PCNX1: variants seen among roughly 807,000 people sequenced by gnomAD.
The protein encoded by PCNX1 is pecanex-like protein 1.
A neutral mutation model predicts 242.2 loss-of-function variants in PCNX1; 78 were observed. The observed-to-expected ratio is 0.32, with a 90% CI of 0.27 to 0.39. The LOEUF (loss-of-function observed/expected upper bound fraction) is 0.39. PCNX1 is among the 10% of genes least tolerant of loss of function. The probability of loss-of-function intolerance (pLI) is 1.00; values close to 1 mark genes in which losing one functional copy is unlikely to be tolerated. For synonymous variants in PCNX1, 1,024 were observed against 1,032.9 expected (o/e 0.99, Z 0.17); for missense variants, 2,581 against 2,856.5 (o/e 0.90, Z 2.20).
chr14:71,021,434 C>A (rs1360877236), intron 12 of PCNX1, among the ~76,000 whole-genome samples: 1 of 152,098 alleles, frequency 6.6e-6, no homozygotes, highest in East Asian at 1.9e-4. Flanking sequence ...CTCTTATTTC[C>A]TTAGCAGTGG....
Position 71,045,234 on chromosome 14 carries a change from C to G in PCNX1, c.3969C>G (p.Phe1323Leu), listed in dbSNP as rs1205418260. 2 of 1,613,054 alleles carry G rather than the reference C, an allele frequency of 1.2e-6. No homozygotes were observed. The highest frequency in any genetic ancestry group is 4.5e-5 in the East Asian group (2 of 44,830). ...QVRKQLPWHC[F>L]SHPLLKTLEY... is the part of the protein sequence containing the mutation. ...GAAAACAGCTACCATGGCACTGTTT[C>G]TCTCATCCTCTGCTAAAGACACTAG... Residue 1323 changes from phenylalanine to leucine, a missense_variant, in exon 20 of 36, where the codon TTC (phenylalanine) becomes TTG (leucine). Around this residue, in one of 9 missense-constraint regions of PCNX1, gnomAD observed 432 missense variants for 443.1 expected, o/e 0.97. Coordinates refer to ENST00000304743, the MANE Select transcript of PCNX1 (RefSeq NM_014982.3).
At chr14:71,103,052 C>T (rs1045363731) in intron 31 of PCNX1, among the ~76,000 whole-genome samples, 3 of 152,118 alleles carry the variant, frequency 2.0e-5, no homozygotes, top group African/African-American at 7.2e-5. Context: ...CATAAACATT[C>T]TTTCAACCGT....
At chr14:70,999,931 C>T (rs2140385333) in intron 8 of PCNX1, among the ~76,000 whole-genome samples, 1 of 152,200 alleles carries the variant, frequency 6.6e-6, no homozygotes, top group South Asian at 2.1e-4. Flanking sequence ...AACACAGAGT[C>T]AGAGGACTGT....
Position 71,047,018 on chromosome 14 carries a change from A to G in PCNX1, c.4073A>G (p.Glu1358Gly). 2.5e-6 allele frequency: 4 copies of G among 1,610,784 alleles called. No homozygotes were observed. Among genetic ancestry groups the G allele is most frequent in the Non-Finnish European group, 3.4e-6 (4 of 1,177,852 alleles). ...CTTCATGTGTGGCTTCTTTTTGTGGAGAAGAATATAATCTATCCATTGATT... is the reference window on the plus strand; with the variant it reads ...CTTCATGTGTGGCTTCTTTTTGTGGGGAAGAATATAATCTATCCATTGATT... ...EKLHVWLLFVEKNIIYPLIVL... is the reference protein window; with the variant it reads ...EKLHVWLLFVGKNIIYPLIVL... Residue 1358 changes from glutamate to glycine, a missense_variant, in exon 21 of 36, where the codon GAG becomes GGG. Glu to Gly is a moderately conservative substitution (Grantham distance 98). Around this residue, in one of 9 missense-constraint regions of PCNX1, gnomAD observed 432 missense variants for 443.1 expected, o/e 0.97. Coordinates refer to ENST00000304743, the MANE Select transcript of PCNX1 (RefSeq NM_014982.3).
chr14:71,066,473 T>C (rs1381331765), intron 26 of PCNX1, among the ~76,000 whole-genome samples: 1 of 152,242 alleles, frequency 6.6e-6, no homozygotes, highest in Non-Finnish European at 1.5e-5. Flanking sequence ...CCTGAGACTT[T>C]GCTGAAGTTG....
intron 7 of PCNX1, 150 bp from the exon 8 acceptor site, chr14:70,995,591 C>A: frequency 1.6e-6 from 1 of 609,946 alleles, no homozygotes; most frequent in Non-Finnish European, 2.9e-6. Flanking sequence ...GCAATGTAAT[C>A]TGTATATTTT....
At position 70,971,115 on chromosome 14, in the gene PCNX1, G is replaced by GTTTTTTTTTTTTTTTTTTTT. The variant is rs1046870052; in HGVS notation, c.604+2026_604+2045dup. Among the ~76,000 whole-genome samples, 2 of 14,518 alleles carry GTTTTTTTTTTTTTTTTTTTT rather than the reference G, an allele frequency of 1.4e-4. 1 individual carries two copies. The highest frequency in any genetic ancestry group is 5.8e-4 in the African/African-American group (2 of 3,452). The allele number at this position is 14,518 out of a possible 152,430, so 9.5% of individuals were successfully genotyped here. On this transcript the variant is annotated intron_variant, in intron 5 of 35. Transcript: ENST00000304743. ...AATCTATGCTATACTACTTTATATA[G>GTTTTTTTTTTTTTTTTTTTT]TTTTTTTTTTTTTTTTTTTTTTTTT...
At chr14:70,968,998 A>G (rs2058462333) in intron 4 of PCNX1, 23 bp from the exon 5 acceptor site, 1 of 1,398,422 alleles carries the variant, frequency 7.2e-7, no homozygotes, top group East Asian at 2.3e-5. Context: ...TAAGGTCCTC[A>G]CATGTTTCTC....
intron 8 of PCNX1, among the ~76,000 whole-genome samples, chr14:71,006,066 G>A (rs2059650709): frequency 6.6e-6 from 1 of 150,666 alleles, no homozygotes; most frequent in African/African-American, 2.4e-5. Flanking sequence ...AGGCCCATGG[G>A]CACATGCCAC....
At chr14:71,066,755 T>C (rs1373147359) in intron 26 of PCNX1, among the ~76,000 whole-genome samples, 1 of 152,192 alleles carries the variant, frequency 6.6e-6, no homozygotes, top group Non-Finnish European at 1.5e-5. Context: ...TTGTCATAAA[T>C]AGCTCTTATT....
chr14:70,963,397 T>C (rs2058280981), intron 3 of PCNX1, among the ~76,000 whole-genome samples: 1 of 152,206 alleles, frequency 6.6e-6, no homozygotes, highest in Admixed American at 6.5e-5. Context: ...TGATTGCTAA[T>C]TATCCTTATG....
At chr14:71,096,650 G>A (rs967107532) in intron 30 of PCNX1, among the ~76,000 whole-genome samples, 78 of 152,124 alleles carry the variant, frequency 5.1e-4, no homozygotes, top group Admixed American at 1.6e-3. Context: ...AAATGTGAAC[G>A]CAGTATTTAA....
At chr14:71,084,860 C>G (rs1429769067) in intron 28 of PCNX1, among the ~76,000 whole-genome samples, 8 of 152,170 alleles carry the variant, frequency 5.3e-5, no homozygotes, top group Non-Finnish European at 2.9e-5. Flanking sequence ...GTGAACAGTT[C>G]TGTCTCGCTG....
intron 8 of PCNX1, among the ~76,000 whole-genome samples, chr14:71,002,172 TTTC>T (rs1172264548): frequency 1.3e-5 from 2 of 152,282 alleles, no homozygotes; most frequent in Admixed American, 6.5e-5. Flanking sequence ...AGTAATGAAC[TTTC>T]TTCTTATATA....
chr14:71,108,735 T>G lies in PCNX1; in HGVS notation c.6433T>G (p.Phe2145Val), dbSNP rs201195389. Residue 2145 changes from phenylalanine (F) to valine (V), a missense_variant, in exon 34 of 36, where the codon TTT (phenylalanine) becomes GTT (valine). By Grantham distance (50) the Phe-to-Val change is conservative. Transcript: ENST00000304743. ...ATCCCTCCGGATGTCCACCACTGGGTTTGTGCCTTGTCGGCGCTCTTCTAC... is the reference window on the plus strand; with the variant it reads ...ATCCCTCCGGATGTCCACCACTGGGGTTGTGCCTTGTCGGCGCTCTTCTAC... Reference protein sequence around the residue: ...HSSLRMSTTGFVPCRRSSTSQ... With the variant: ...HSSLRMSTTGVVPCRRSSTSQ... The G allele has an allele frequency of 1.9e-6, 3 of 1,614,222 alleles. No homozygotes were observed. The East Asian group carries it at 6.7e-5, about 36-fold the overall frequency.
At chr14:71,096,519 T>C (rs1420472838) in intron 30 of PCNX1, among the ~76,000 whole-genome samples, 1 of 152,178 alleles carries the variant, frequency 6.6e-6, no homozygotes, top group African/African-American at 2.4e-5. Context: ...ATCTGGACTT[T>C]TATTTTTCAT....
rs2055613862 is a variant in PCNX1, at chr14:70,907,590, C to G, written c.-261C>G. On this transcript the variant is annotated 5_prime_UTR_variant, in exon 1 of 36. Transcript: ENST00000304743. ...GTTAGGAGACAAGATGGCGGCGGCT[C>G]TCAGAAGGCCGGTCTCCTCCTCTCC... 1.8e-5 allele frequency: 4 copies of G among 220,720 alleles called. No individual in the cohort carries two copies. The South Asian group carries it at 6.4e-4, about 35-fold the overall frequency. 13.7% of individuals were successfully genotyped at this position (220,720 alleles called of 1,614,324 possible).
intron 16 of PCNX1, among the ~76,000 whole-genome samples, chr14:71,029,196 A>C (rs2060316829): frequency 6.6e-6 from 1 of 152,146 alleles, no homozygotes; most frequent in Non-Finnish European, 1.5e-5. Context: ...ACATGCTAAT[A>C]AAAAGTAATA....
At position 70,946,925 on chromosome 14, in the gene PCNX1, C is replaced by T. The variant is rs1450904425; in HGVS notation, c.164C>T (p.Ser55Phe). The T allele has an allele frequency of 1.2e-6, 2 of 1,609,186 alleles. No homozygotes were observed. Among genetic ancestry groups the T allele is most frequent in the South Asian group, 1.1e-5 (1 of 90,974 alleles). ...LPFTLYMALP[S>F]TMIIVAVYCP... Reference sequence around the variant, plus strand: ...TTCTTTCTCTTAAAGGCCCTTCCTTCTACCATGATTATAGTAGCAGTTTAT... The same window carrying T: ...TTCTTTCTCTTAAAGGCCCTTCCTTTTACCATGATTATAGTAGCAGTTTAT... The change falls in exon 2 of 36, where the codon TCT becomes TTT. Residue 55 changes from serine (S) to phenylalanine (F), a missense_variant. This residue lies in a region of PCNX1 where 1,204 missense variants were observed against 1,216.7 expected (regional missense o/e 0.99). Transcript: ENST00000304743.
Sources: gnomAD v4.1 joint callset for allele counts (sites outside exome capture counted in the v4.1 genomes callset) on GRCh38, gnomAD v4.1.1 for gene constraint, gnomAD v4.1.1 regional missense constraint, MANE v1.5 for transcripts, NCBI Gene and HGNC (gene_info 2026-07-23, HGNC 2026-07-21) for gene names.